Variants in CNTNAP2 observed in about 807,000 individuals in gnomAD.
CNTNAP2 encodes the protein contactin-associated protein-like 2.
Under a neutral mutation model 155.2 loss-of-function variants are expected in CNTNAP2, and 98 were observed. The observed-to-expected ratio is 0.63, with a 90% CI of 0.54 to 0.75. The LOEUF is 0.75. CNTNAP2 is among the 30% of genes least tolerant of loss of function. The pLI is 0.00. For synonymous variants in CNTNAP2, 651 were observed against 631.2 expected, an observed-to-expected ratio of 1.03 and a Z score of -0.47; for missense variants, 1,727 against 1,688.1, an observed-to-expected ratio of 1.02 and a Z score of -0.40.
chr7:147,543,790 G>A (rs1799680809), intron 11 of CNTNAP2, among the ~76,000 whole-genome samples: 1 of 152,032 alleles, frequency 6.6e-6, no homozygotes, highest in African/African-American at 2.4e-5. Context: ...GCGAGCCTCA[G>A]GATTCCATAC....
At chr7:148,312,849 A>G (rs1321496451) in intron 21 of CNTNAP2, among the ~76,000 whole-genome samples, 1 of 150,482 alleles carries the variant, frequency 6.6e-6, no homozygotes, top group East Asian at 2.0e-4. Flanking sequence ...TAAGGGGTGC[A>G]TGATCGGTCG....
chr7:148,229,907 C>A, intron 20 of CNTNAP2, 128 bp downstream of exon 20: 1 of 1,015,708 alleles, frequency 9.8e-7, no homozygotes, highest in Non-Finnish European at 1.5e-6. Context: ...CTTTCTCCTA[C>A]AAGTGCATAA....
Position 147,132,483 on chromosome 7 carries a change from A to T in CNTNAP2, c.1322A>T (p.Lys441Met). The stretch of plus-strand genomic sequence containing the variant: ...GTTCACATCAACATCACACAGACCA[A>T]GATGAGCCAAATCGATATTTCCTCA... Reference protein sequence around the residue: ...VGVHINITQTKMSQIDISSGS... With the variant: ...VGVHINITQTMMSQIDISSGS... The change falls in exon 8 of 24, where the codon AAG (lysine) becomes ATG (methionine). Residue 441 changes from lysine to methionine, a missense_variant. Lys to Met is a moderately conservative substitution (Grantham distance 95, BLOSUM62 -1). Transcript: ENST00000361727. The T allele has an allele frequency of 6.2e-7, 1 of 1,613,650 alleles. No individual in the cohort carries two copies. The highest frequency in any genetic ancestry group is 8.5e-7 in the Non-Finnish European group (1 of 1,179,692).
intron 1 of CNTNAP2, among the ~76,000 whole-genome samples, chr7:146,545,682 C>T (rs1051291784): frequency 6.6e-6 from 1 of 151,932 alleles, no homozygotes; most frequent in East Asian, 1.9e-4. Flanking sequence ...CAGGAAACAA[C>T]AGATGCTGGA....
intron 1 of CNTNAP2, among the ~76,000 whole-genome samples, chr7:146,333,701 A>G (rs1325285913): frequency 6.6e-6 from 1 of 152,238 alleles, no homozygotes; most frequent in Non-Finnish European, 1.5e-5. Context: ...TGGCTCAAAC[A>G]TGATAGAAAA....
chr7:146,201,639 AGTGT>A (rs57595774), intron 1 of CNTNAP2, among the ~76,000 whole-genome samples: 22,913 of 146,360 alleles, frequency 0.16, 1,822 homozygotes, highest in African/African-American at 0.2. Context: ...ATGTCCCACG[AGTGT>A]GTGTGTGTGT....
At chr7:146,824,909 AT>A (rs1803371007) in intron 2 of CNTNAP2, among the ~76,000 whole-genome samples, 1 of 147,000 alleles carries the variant, frequency 6.8e-6, no homozygotes, top group Non-Finnish European at 1.5e-5. Context: ...CTACATTGTC[AT>A]TTTAGCCCAT....
chr7:147,470,586 G>A (rs1242452151), intron 10 of CNTNAP2, among the ~76,000 whole-genome samples: 4 of 150,518 alleles, frequency 2.7e-5, no homozygotes, highest in Admixed American at 2.0e-4. Flanking sequence ...GTCTTGGATT[G>A]GGGTAATAGC....
chr7:146,843,292 G>A (rs183659872), intron 3 of CNTNAP2, among the ~76,000 whole-genome samples: 2,230 of 140,200 alleles, frequency 0.016, 64 homozygotes, highest in African/African-American at 0.059. Flanking sequence ...GATTACAGGC[G>A]TGAGCCACCG....
At chr7:148,088,146 G>T (rs542383015) in intron 15 of CNTNAP2, among the ~76,000 whole-genome samples, 25 of 152,108 alleles carry the variant, frequency 1.6e-4, no homozygotes, top group Non-Finnish European at 1.9e-4. Flanking sequence ...ATCTAGCACT[G>T]ATGGTCAATA....
At chr7:146,664,239 G>A (rs1800148093) in intron 1 of CNTNAP2, among the ~76,000 whole-genome samples, 1 of 133,678 alleles carries the variant, frequency 7.5e-6, no homozygotes, top group Admixed American at 8.7e-5. Context: ...TCGGGTCACT[G>A]CAACCTCCGC....
chr7:146,581,021 A>G (rs942431567), intron 1 of CNTNAP2, among the ~76,000 whole-genome samples: 5 of 152,176 alleles, frequency 3.3e-5, no homozygotes, highest in African/African-American at 1.2e-4. Flanking sequence ...ATAATTCAGA[A>G]CAATATGACT....
intron 1 of CNTNAP2, among the ~76,000 whole-genome samples, chr7:146,399,797 C>A (rs762160353): frequency 6.6e-6 from 1 of 152,088 alleles, no homozygotes; most frequent in South Asian, 2.1e-4. Context: ...GTGTACAGGG[C>A]TCCCCACCGC....
intron 3 of CNTNAP2, among the ~76,000 whole-genome samples, chr7:146,907,585 C>T (rs1475232966): frequency 4.1e-5 from 6 of 147,738 alleles, no homozygotes; most frequent in African/African-American, 1.5e-4. Flanking sequence ...AAATACTTTA[C>T]AGACAAGCAA....
rs570586990 is a variant in CNTNAP2, at chr7:146,395,393, G to A, written c.97+278420G>A. Among the ~76,000 whole-genome samples, 138 of 152,098 alleles carry A rather than the reference G, an allele frequency of 9.1e-4. 1 individual carries two copies. The highest frequency in any genetic ancestry group is 1.7e-3 in the South Asian group (8 of 4,818). ...TTATTATTCTTGATTTCAAATAAGCGGTAGTTTACAGTTAGTACTGCGTAC... is the reference window on the plus strand; with the variant it reads ...TTATTATTCTTGATTTCAAATAAGCAGTAGTTTACAGTTAGTACTGCGTAC... On this transcript the variant is annotated intron_variant, in intron 1 of 23. Transcript: ENST00000361727.
intron 21 of CNTNAP2, among the ~76,000 whole-genome samples, chr7:148,291,849 G>A (rs995623573): frequency 6.6e-6 from 1 of 152,092 alleles, no homozygotes; most frequent in Non-Finnish European, 1.5e-5. Context: ...TAAAAGAAGT[G>A]TGTAAATAAC....
intron 12 of CNTNAP2, among the ~76,000 whole-genome samples, chr7:147,589,583 TA>T (rs1387100009): frequency 1.3e-5 from 2 of 152,184 alleles, no homozygotes; most frequent in Non-Finnish European, 2.9e-5. Context: ...AATATATTTT[TA>T]ATTTATAAAA....
At chr7:146,806,656 G>A (rs1802972946) in intron 2 of CNTNAP2, among the ~76,000 whole-genome samples, 1 of 152,162 alleles carries the variant, frequency 6.6e-6, no homozygotes. Flanking sequence ...GCAGGATCCA[G>A]TTCTCAAGTT....
rs188120846 is a variant in CNTNAP2 at position 147,304,836 on chromosome 7, T to C, written c.1498+4546T>C. Among the ~76,000 whole-genome samples, 36 of 152,348 alleles carry C rather than the reference T, an allele frequency of 2.4e-4. No homozygotes were observed. The East Asian group carries it at 2.7e-3, about 11-fold the overall frequency. On this transcript the variant is annotated intron_variant, in intron 9 of 23. Coordinates refer to ENST00000361727, the MANE Select transcript of CNTNAP2 (RefSeq NM_014141.6). ...GGTCTAAACAACATAAATATGTTTTTCATGGTTCTTGAGGTTGGGAAGTCT... is the reference window on the plus strand; with the variant it reads ...GGTCTAAACAACATAAATATGTTTTCCATGGTTCTTGAGGTTGGGAAGTCT...
Sources: gnomAD v4.1 joint callset for allele counts (sites outside exome capture counted in the v4.1 genomes callset) on GRCh38, gnomAD v4.1.1 for gene constraint, MANE v1.5 for transcripts, NCBI Gene and HGNC (gene_info 2026-07-23, HGNC 2026-07-21) for gene names.